HSPH1: variants seen among roughly 807,000 people sequenced by gnomAD.
HSPH1 encodes the protein heat shock protein family H (Hsp110) member 1.
HSPH1 carries 40 observed loss-of-function variants against 100.0 expected under a neutral mutation model. That is an observed-to-expected ratio of 0.40 (90% CI 0.31 to 0.52). The LOEUF (loss-of-function observed/expected upper bound fraction) is 0.52. Among genes scored for constraint, HSPH1 ranks in the 20% least tolerant of loss-of-function variants. The pLI is 0.54. For missense variants in HSPH1, 876 were observed against 1,015.1 expected (o/e 0.86, Z 1.86); for synonymous variants, 403 against 344.0 (o/e 1.17, Z -1.90).
At chr13:31,154,365 T>G (rs1006607134) in intron 4 of HSPH1, 3 of 490,408 alleles carry the variant, frequency 6.1e-6, no homozygotes, top group African/African-American at 5.8e-5. Context: ...CTAACTGTAT[T>G]AGAATACTCA....
intron 13 of HSPH1, 160 bp downstream of exon 13, chr13:31,140,962 A>C (rs868859396): frequency 1.3e-5 from 6 of 450,938 alleles, no homozygotes; most frequent in Middle Eastern, 5.8e-4. Flanking sequence ...AAAAAAAATT[A>C]AACTGCAAAA....
chr13:31,137,050 C>T lies in HSPH1; in HGVS notation c.*268G>A, dbSNP rs1955903341. 1.7e-6 allele frequency: 1 copy of T among 595,790 alleles called. No homozygotes were observed. The highest frequency in any genetic ancestry group is 3.8e-5 in the East Asian group (1 of 26,452). The allele number at this position is 595,790 out of a possible 1,614,324, so 36.9% of individuals were successfully genotyped here. A position where few individuals can be genotyped will look rare whatever the true frequency, so the allele number is the denominator to read the frequency against. On this transcript the variant is annotated 3_prime_UTR_variant, in exon 18 of 18. Transcript: ENST00000320027. ...TTCTCCAAAAGACAAAAGTCAGTTTCATCCTCAGTGATGCAAATGGTGAGA... is the reference window on the plus strand; with the variant it reads ...TTCTCCAAAAGACAAAAGTCAGTTTTATCCTCAGTGATGCAAATGGTGAGA...
chr13:31,143,960 C>T (rs1294792236), intron 11 of HSPH1, 37 bp from the exon 12 acceptor site: 1 of 1,521,818 alleles, frequency 6.6e-7, no homozygotes, highest in Non-Finnish European at 8.8e-7. Context: ...ATGTAGAAAG[C>T]AGGTGTACTT....
Position 31,141,275 on chromosome 13 carries a change from A to C in HSPH1, c.1717-16T>G. On this transcript the variant is annotated splice_polypyrimidine_tract_variant and intron_variant, in intron 12 of 17. Transcript: ENST00000320027. The stretch of plus-strand genomic sequence containing the variant: ...TTTCATTTGCCTTGGGAAGAGGAAT[A>C]AAAAAAGGAAAAAATTTTAAACAAC... 6.4e-7 allele frequency: 1 copy of C among 1,566,304 alleles called. No homozygotes were observed. The highest frequency in any genetic ancestry group is 8.6e-7 in the Non-Finnish European group (1 of 1,160,660).
rs148295128 is a variant in HSPH1, at chr13:31,159,215, A to G, written c.108-352T>C. Among the ~76,000 whole-genome samples the G allele has an allele frequency of 7.9e-5, 12 of 152,294 alleles. No individual in the cohort carries two copies. The East Asian group carries it at 2.3e-3, about 29-fold the overall frequency. ...CACGACTAACAAAAAATAGGATGTGACTCTACCTTTCAGTCACCAACTCTG... is the reference window on the plus strand; with the variant it reads ...CACGACTAACAAAAAATAGGATGTGGCTCTACCTTTCAGTCACCAACTCTG... On this transcript the variant is annotated intron_variant, in intron 1 of 17. Coordinates refer to ENST00000320027, the MANE Select transcript of HSPH1 (RefSeq NM_006644.4).
chr13:31,138,125 C>T (rs979520825), intron 17 of HSPH1, among the ~76,000 whole-genome samples: 3 of 152,072 alleles, frequency 2.0e-5, no homozygotes, highest in Admixed American at 2.0e-4. Context: ...AGGGCAGAGA[C>T]TACACTTTGC....
intron 9 of HSPH1, 23 bp downstream of exon 9, chr13:31,148,351 G>C: frequency 7.4e-7 from 1 of 1,345,780 alleles, no homozygotes; most frequent in Non-Finnish European, 1.1e-6. Flanking sequence ...TATAGTATCT[G>C]AATGTTATTT....
chr13:31,148,431 T>C lies in HSPH1; in HGVS notation c.1187A>G (p.Asp396Gly). The C allele has an allele frequency of 6.3e-7, 1 of 1,579,970 alleles. No individual in the cohort carries two copies. The highest frequency in any genetic ancestry group is 8.6e-7 in the Non-Finnish European group (1 of 1,167,066). Residue 396 changes from aspartate (D) to glycine (G), a missense_variant, in exon 9 of 18, where the codon GAT becomes GGT. Transcript: ENST00000320027. ...AFKVREFSVT[D>G]AVPFPISLIW... is the part of the protein sequence containing the mutation. ...CAGAGATATTGGAAAAGGAACTGCA[T>C]CTGTGACGGAAAATTCTCTAACTTT...
chr13:31,158,592 G>A lies in HSPH1; in HGVS notation c.165+214C>T, dbSNP rs111373465. ...AAAAAAAGTTAAGGATGGCAGATTA[G>A]AAAGTTAAAGTCGATCTTAATAAAA... On this transcript the variant is annotated intron_variant, in intron 2 of 17. Transcript: ENST00000320027. Among the ~76,000 whole-genome samples the A allele has an allele frequency of 4.0e-3, 547 of 137,672 alleles. 3 individuals are homozygous for A. Among genetic ancestry groups the A allele is most frequent in the African/African-American group, 0.014 (515 of 36,964 alleles). 90.3% of individuals were successfully genotyped at this position (137,672 alleles called of 152,430 possible). A position where few individuals can be genotyped will look rare whatever the true frequency, so the allele number is the denominator to read the frequency against.
intron 1 of HSPH1, among the ~76,000 whole-genome samples, chr13:31,160,232 G>A (rs1022198627): frequency 2.6e-5 from 4 of 152,110 alleles, no homozygotes; most frequent in African/African-American, 9.7e-5. Flanking sequence ...CTGAAATACT[G>A]TTTTCTTTCT....
intron 12 of HSPH1, among the ~76,000 whole-genome samples, chr13:31,143,215 T>C (rs1956158948): frequency 6.6e-6 from 1 of 152,164 alleles, no homozygotes; most frequent in South Asian, 2.1e-4. Flanking sequence ...CCATGAATCT[T>C]AAAGGTTTGA....
intron 9 of HSPH1, 21 bp downstream of exon 9, chr13:31,148,353 A>G (rs1350640467): frequency 1.5e-6 from 2 of 1,359,110 alleles, no homozygotes; most frequent in African/African-American, 1.5e-5. Flanking sequence ...TAGTATCTGA[A>G]TGTTATTTTC....
In HSPH1 at chr13:31,150,982, A is replaced by G; in HGVS notation, c.873T>C (p.Phe291=). ...TTCCGGAAACATCTTTATCATTCAT[A>G]AAGCATTCGATATTCAGTGGAAGGT... ...STDLPLNIEC[F]MNDKDVSGKM... The change falls in exon 7 of 18, where the codon TTT becomes TTC. Residue 291 remains phenylalanine, a synonymous_variant. Transcript: ENST00000320027. 1 of 1,613,130 alleles carries G rather than the reference A, an allele frequency of 6.2e-7. No homozygotes were observed. The highest frequency in any genetic ancestry group is 8.5e-7 in the Non-Finnish European group (1 of 1,179,580).
chr13:31,152,881 C>T lies in HSPH1; in HGVS notation c.500G>A (p.Cys167Tyr). ...LDAAQIVGLNCLRLMNDMTAV... is the reference protein window; with the variant it reads ...LDAAQIVGLNYLRLMNDMTAV... ...TGTCATGTCATTCATAAGTCTTAAA[C>T]AGTTTAGGCCAACAATCTGTGCAGC... Residue 167 changes from cysteine to tyrosine, a missense_variant, in exon 5 of 18, where the codon TGT becomes TAT. Transcript: ENST00000320027. The T allele has an allele frequency of 6.2e-7, 1 of 1,612,490 alleles. No homozygotes were observed.
Position 31,137,269 on chromosome 13 carries a change from A to G in HSPH1, c.*49T>C. ...AGTATGTTATGTAGAGTCACATACT[A>G]TGGCAAAAATATTTTATTAATTGAA... On this transcript the variant is annotated 3_prime_UTR_variant, in exon 18 of 18. Transcript: ENST00000320027. The G allele has an allele frequency of 8.7e-7, 1 of 1,154,614 alleles. No individual in the cohort carries two copies. Among genetic ancestry groups the G allele is most frequent in the Admixed American group, 2.0e-5 (1 of 50,992 alleles). 71.5% of individuals were successfully genotyped at this position (1,154,614 alleles called of 1,614,324 possible).
In HSPH1 at chr13:31,135,233, C is replaced by T. The variant is rs1006315970; in HGVS notation, c.*2085G>A. On this transcript the variant is annotated 3_prime_UTR_variant, in exon 18 of 18. Transcript: ENST00000320027. The stretch of plus-strand genomic sequence containing the variant: ...GGCCAGACTGACTGATGCTCCCTCC[C>T]GTCATCAGGTTCTATTTTAGGACAG... 6 of 152,194 alleles carry T rather than the reference C, an allele frequency of 3.9e-5. No homozygotes were observed. The highest frequency in any genetic ancestry group is 6.5e-5 in the Admixed American group (1 of 15,286). The allele number at this position is 152,194 out of a possible 1,614,324, so 9.4% of individuals were successfully genotyped here.
At chr13:31,140,745 C>A in intron 13 of HSPH1, 1 of 173,784 alleles carries the variant, frequency 5.8e-6, no homozygotes, top group East Asian at 1.6e-4. Flanking sequence ...GATGTTCCCA[C>A]CTCAGTATGG....
intron 3 of HSPH1, 117 bp from the exon 4 acceptor site, chr13:31,154,872 A>T: frequency 1.1e-6 from 1 of 879,934 alleles, no homozygotes; most frequent in South Asian, 1.9e-5. Context: ...TTATTGTTGT[A>T]GTTGTTTTGG....
chr13:31,155,484 T>A (rs557646226), intron 3 of HSPH1, 30 bp downstream of exon 3: 1 of 1,547,698 alleles, frequency 6.5e-7, no homozygotes, highest in East Asian at 2.3e-5. Flanking sequence ...AATAAGTTGG[T>A]ATTTTTCTAA....
Sources: allele counts gnomAD v4.1 joint callset (sites outside exome capture counted in the v4.1 genomes callset), GRCh38; gene constraint gnomAD v4.1.1; transcripts MANE v1.5; gene names NCBI Gene and HGNC (gene_info 2026-07-23, HGNC 2026-07-21).